Variants in AGO1 observed in about 807,000 individuals in gnomAD.
The protein encoded by AGO1 is argonaute RISC component 1, also known as protein argonaute-1.
Under a neutral mutation model 109.2 loss-of-function variants are expected in AGO1, and 11 were observed. That is an observed-to-expected ratio of 0.10 (90% CI 0.06 to 0.17). The LOEUF is 0.17. Ranked by LOEUF, AGO1 falls within the 10% of genes least tolerant of loss-of-function variation. The probability of loss-of-function intolerance (pLI) is 1.00; values close to 1 mark genes in which losing one functional copy is unlikely to be tolerated. For missense variants in AGO1, 574 were observed against 1,140.3 expected (o/e 0.50, Z 7.15); for synonymous variants, 422 against 418.6 (o/e 1.01, Z -0.10).
At chr1:35,896,095 GT>G (rs1230514046) in intron 8 of AGO1, among the ~76,000 whole-genome samples, 3 of 152,090 alleles carry the variant, frequency 2.0e-5, no homozygotes, top group Non-Finnish European at 4.4e-5. Flanking sequence ...TGCCTCCCGG[GT>G]TCAAGTGATT....
At chr1:35,881,343 G>A (rs551766556), upstream of AGO1, among the ~76,000 whole-genome samples, 46 of 151,698 alleles carry the variant, frequency 3.0e-4, no homozygotes, top group Non-Finnish European at 4.3e-4. Flanking sequence ...TTTTTGAGAC[G>A]GAGTTTCACT....
chr1:35,919,300 G>A lies in AGO1; in HGVS notation c.2465+46G>A. Reference sequence around the variant, plus strand: ...GGCCTCCTTTTTGCTTCAGCCTATTGTGCCAGATCTTCTTAACTTTCCTTG... The same window carrying A: ...GGCCTCCTTTTTGCTTCAGCCTATTATGCCAGATCTTCTTAACTTTCCTTG... On this transcript the variant is annotated intron_variant, in intron 18 of 18. Coordinates refer to ENST00000373204, the MANE Select transcript of AGO1 (RefSeq NM_012199.5). This position sits in a 1 kb window ranked among gnomAD's most constrained non-coding sequence, Gnocchi z 6.6. The A allele has an allele frequency of 1.9e-6, 3 of 1,579,444 alleles. No individual in the cohort carries two copies. The highest frequency in any genetic ancestry group is 2.3e-5 in the East Asian group (1 of 43,272).
intron 11 of AGO1, among the ~76,000 whole-genome samples, chr1:35,902,852 T>C (rs1310531176): frequency 6.6e-6 from 1 of 152,070 alleles, no homozygotes; most frequent in Non-Finnish European, 1.5e-5. Context: ...GGAAACAAAA[T>C]AGAGCAGCTT....
At chr1:35,891,724 C>T (rs1645222941) in intron 2 of AGO1, among the ~76,000 whole-genome samples, 1 of 152,028 alleles carries the variant, frequency 6.6e-6, no homozygotes, top group Non-Finnish European at 1.5e-5. Context: ...ACCACCTTGC[C>T]TGACTAATTT....
rs1645296230 is a variant in AGO1 at position 35,895,125 on chromosome 1, C to T, written c.876C>T (p.Phe292=). The T allele has an allele frequency of 6.2e-7, 1 of 1,608,820 alleles. No individual in the cohort carries two copies. The change falls in exon 8 of 19, where the codon TTC becomes TTT. Residue 292 remains phenylalanine (F), a synonymous_variant. Transcript: ENST00000373204. ...TTCCTTCCCTTCTTCTGAACAGATT[C>T]CCCTTACAGCTGGAGAGTGGACAGA... is the stretch of plus-strand genomic sequence containing the variant. The part of the protein sequence containing the change: ...VTRRPASHQT[F]PLQLESGQTV...
In AGO1 at chr1:35,872,187, C is replaced by CTTTTTTTT. The variant is rs541463659; in HGVS notation, c.-201+2293_-201+2300dup. 6.8e-5 allele frequency among the ~76,000 whole-genome samples: 9 copies of CTTTTTTTT among 133,096 alleles called. No individual in the cohort carries two copies. In the South Asian group the frequency reaches 1.9e-3, roughly 28 times the overall value. 87.3% of individuals were successfully genotyped at this position (133,096 alleles called of 152,430 possible). A position where few individuals can be genotyped will look rare whatever the true frequency, so the allele number is the denominator to read the frequency against. ...AGATTTTAAACTAATGACTCAATTT[C>CTTTTTTTT]TTTTTTTTTTTTTTTTGAGACGGAG... On this transcript the variant is annotated intron_variant, in intron 1 of 18. Coordinates refer to the AGO1 transcript ENST00000373206.
rs1167063899 is a variant in AGO1, at chr1:35,907,023, G to T, written c.1486G>T (p.Ala496Ser). The T allele has an allele frequency of 1.2e-6, 2 of 1,614,098 alleles. No homozygotes were observed. The highest frequency in any genetic ancestry group is 8.5e-7 in the Non-Finnish European group (1 of 1,180,008). ...QPCFCKYAQG[A>S]DSVEPMFRHL... ...TTGTTTCTGCAAATATGCACAGGGGGCAGACAGCGTGGAGCCTATGTTCCG... is the reference window on the plus strand; with the variant it reads ...TTGTTTCTGCAAATATGCACAGGGGTCAGACAGCGTGGAGCCTATGTTCCG... The change falls in exon 12 of 19, where the codon GCA (alanine) becomes TCA (serine). Residue 496 changes from alanine (A) to serine (S), a missense_variant. By Grantham distance (99) the Ala-to-Ser change is moderately conservative. Around this residue, in one of 8 missense-constraint regions of AGO1, gnomAD observed 68 missense variants for 200.2 expected, o/e 0.34. Coordinates refer to ENST00000373204, the MANE Select transcript of AGO1 (RefSeq NM_012199.5).
At position 35,883,507 on chromosome 1, in the gene AGO1, A is replaced by C. The variant is rs962952076; in HGVS notation, c.25+61A>C. 4.7e-6 allele frequency: 7 copies of C among 1,481,282 alleles called. No homozygotes were observed. Among genetic ancestry groups the C allele is most frequent in the Non-Finnish European group, 6.3e-6 (7 of 1,118,364 alleles). 91.8% of individuals were successfully genotyped at this position (1,481,282 alleles called of 1,614,324 possible). On this transcript the variant is annotated intron_variant, in intron 1 of 18. Transcript: ENST00000373204. The surrounding 1 kb of genome is among the most constrained non-coding windows in gnomAD (Gnocchi z 5.4). ...CAAGGACTGGGGGATCCCGCATGAAAAGCGTGGTTTCCAAGTGATGGAAGC... is the reference window on the plus strand; with the variant it reads ...CAAGGACTGGGGGATCCCGCATGAACAGCGTGGTTTCCAAGTGATGGAAGC...
intron 12 of AGO1, 36 bp from the exon 13 acceptor site, chr1:35,913,806 G>A: frequency 6.2e-7 from 1 of 1,602,046 alleles, no homozygotes; most frequent in Non-Finnish European, 8.5e-7. Flanking sequence ...GTAAATATTT[G>A]TTGAATGCAC....
intron 11 of AGO1, 110 bp from the exon 12 acceptor site, chr1:35,906,825 A>G: frequency 1.1e-6 from 1 of 923,678 alleles, no homozygotes; most frequent in Non-Finnish European, 1.6e-6. Flanking sequence ...AAAAAAAAAA[A>G]CCAATCTCTC....
At chr1:35,891,053 T>C (rs1343087590) in intron 2 of AGO1, among the ~76,000 whole-genome samples, 2 of 152,150 alleles carry the variant, frequency 1.3e-5, no homozygotes, top group Non-Finnish European at 2.9e-5. Context: ...TGCTTCCTGG[T>C]AGGAGACAAG....
chr1:35,917,578 T>A lies in AGO1; in HGVS notation c.2029-15T>A, dbSNP rs369443213. 1 of 1,601,610 alleles carries A rather than the reference T, an allele frequency of 6.2e-7. No individual in the cohort carries two copies. The highest frequency in any genetic ancestry group is 8.5e-7 in the Non-Finnish European group (1 of 1,171,020). On this transcript the variant is annotated splice_polypyrimidine_tract_variant and intron_variant, in intron 15 of 18. Coordinates refer to ENST00000373204, the MANE Select transcript of AGO1 (RefSeq NM_012199.5). ...GTGTATTTCTTTGTTTCCCTCCCCA[T>A]TTTTTTGTGCCTAGATACTCCACTA...
Position 35,917,987 on chromosome 1 carries a change from A to C in AGO1, c.2163+260A>C, listed in dbSNP as rs952281767. ...CCCATATATAGACCAGCTCCTAGAG[A>C]AGGGGAAGGGAACTACCATTTATTG... On this transcript the variant is annotated intron_variant, in intron 16 of 18. Transcript: ENST00000373204. Among the ~76,000 whole-genome samples, 21 of 152,160 alleles carry C rather than the reference A, an allele frequency of 1.4e-4. 1 individual carries two copies. The East Asian group carries it at 2.1e-3, about 15-fold the overall frequency.
upstream of AGO1, among the ~76,000 whole-genome samples, chr1:35,879,734 CAAAAAAAAA>C (rs71034705): frequency 0.095 from 5,461 of 57,522 alleles, 199 homozygotes; most frequent in South Asian, 0.23. Flanking sequence ...GGTTCTGTCT[CAAAAAAAAA>C]AAAAAAAAAA....
rs1331785007 is a variant in AGO1, at chr1:35,927,942, A to G, written c.*8335A>G. ...TGATGGTCTAGGAGAAGAGATTTGA[A>G]CTCAGGTGCCCAGTTGACTCTAATC... On this transcript the variant is annotated 3_prime_UTR_variant, in exon 19 of 19. Coordinates refer to ENST00000373204, the MANE Select transcript of AGO1 (RefSeq NM_012199.5). The G allele has an allele frequency of 6.6e-6, 1 of 152,178 alleles. No homozygotes were observed. Among genetic ancestry groups the G allele is most frequent in the Non-Finnish European group, 1.5e-5 (1 of 68,032 alleles). 9.4% of individuals were successfully genotyped at this position (152,178 alleles called of 1,614,324 possible). A position where few individuals can be genotyped will look rare whatever the true frequency, so the allele number is the denominator to read the frequency against.
chr1:35,886,498 AAGGCTTTG>A (rs1280842908), intron 1 of AGO1, among the ~76,000 whole-genome samples: 1 of 152,142 alleles, frequency 6.6e-6, no homozygotes, highest in East Asian at 1.9e-4. Flanking sequence ...TGGGGAAGAG[AAGGCTTTG>A]AGGCTAGAGT....
At chr1:35,885,034 C>CT (rs1456250031) in intron 1 of AGO1, among the ~76,000 whole-genome samples, 3 of 143,918 alleles carry the variant, frequency 2.1e-5, no homozygotes, top group African/African-American at 7.5e-5. Context: ...TACGACCTCA[C>CT]TCAAGTTATC....
Position 35,883,407 on chromosome 1 carries a change from G to T in AGO1, c.-15G>T, listed in dbSNP as rs1227307292. Reference sequence around the variant, plus strand: ...ACAGTCTCCGGGCCGCCTGACCTCCGCACGGGTATATGGGATGGAAGCGGG... The same window carrying T: ...ACAGTCTCCGGGCCGCCTGACCTCCTCACGGGTATATGGGATGGAAGCGGG... On this transcript the variant is annotated 5_prime_UTR_variant, in exon 1 of 19. Transcript: ENST00000373204. The surrounding 1 kb of genome is among the most constrained non-coding windows in gnomAD (Gnocchi z 5.4). 2.5e-6 allele frequency: 4 copies of T among 1,579,788 alleles called. No individual in the cohort carries two copies. Among genetic ancestry groups the T allele is most frequent in the Non-Finnish European group, 3.4e-6 (4 of 1,164,814 alleles).
chr1:35,888,718 G>A lies in AGO1; in HGVS notation c.209+108G>A. 2 of 1,267,980 alleles carry A rather than the reference G, an allele frequency of 1.6e-6. No homozygotes were observed. The highest frequency in any genetic ancestry group is 2.6e-5 in the East Asian group (1 of 39,138). 78.5% of individuals were successfully genotyped at this position (1,267,980 alleles called of 1,614,324 possible). On this transcript the variant is annotated intron_variant, in intron 2 of 18. Transcript: ENST00000373204. The surrounding 1 kb of genome is among the most constrained non-coding windows in gnomAD (Gnocchi z 4.1). ...AGAGGGTAGTATCACCAAATCTAAGGAAGTTTTTGAACGGGAGATGCCACG... is the reference window on the plus strand; with the variant it reads ...AGAGGGTAGTATCACCAAATCTAAGAAAGTTTTTGAACGGGAGATGCCACG...
Sources: gnomAD v4.1 joint callset for allele counts (sites outside exome capture counted in the v4.1 genomes callset) on GRCh38, gnomAD v4.1.1 for gene constraint, gnomAD v4.1.1 regional missense constraint, Gnocchi (gnomAD v3.1) non-coding constraint, MANE v1.5 for transcripts, NCBI Gene and HGNC (gene_info 2026-07-23, HGNC 2026-07-21) for gene names.